Variants in POU6F2 observed in about 807,000 individuals in gnomAD.
POU6F2 encodes POU domain, class 6, transcription factor 2.
Under a neutral mutation model 71.3 loss-of-function variants are expected in POU6F2, and 31 were observed. The ratio of observed to expected loss-of-function variants is 0.43; its 90% CI spans 0.33 to 0.59. POU6F2 has a LOEUF of 0.59. Among genes scored for constraint, POU6F2 ranks in the 20% least tolerant of loss-of-function variants. The pLI, the probability that POU6F2 is intolerant of heterozygous loss-of-function variation, is 0.04. For missense variants in POU6F2, 783 were observed against 856.8 expected (o/e 0.91, Z 1.07); for synonymous variants, 347 against 355.7 (o/e 0.98, Z 0.27).
At chr7:39,212,120 C>G (rs1794153501) in intron 4 of POU6F2, among the ~76,000 whole-genome samples, 1 of 152,146 alleles carries the variant, frequency 6.6e-6, no homozygotes, top group African/African-American at 2.4e-5. Flanking sequence ...GATTGACTGC[C>G]CCCAGACTGA....
At chr7:39,357,721 A>G (rs1786289079) in intron 5 of POU6F2, among the ~76,000 whole-genome samples, 1 of 152,246 alleles carries the variant, frequency 6.6e-6, no homozygotes, top group Non-Finnish European at 1.5e-5. Context: ...TAATAAGAAG[A>G]TGGAAAAAGT....
At chr7:39,122,579 T>C (rs1054932724) in intron 2 of POU6F2, among the ~76,000 whole-genome samples, 1 of 152,192 alleles carries the variant, frequency 6.6e-6, no homozygotes, top group African/African-American at 2.4e-5. Flanking sequence ...ATATTGCCTT[T>C]CCCTGATGCT....
intron 4 of POU6F2, among the ~76,000 whole-genome samples, chr7:39,260,968 C>A (rs1434370994): frequency 6.6e-6 from 1 of 151,450 alleles, no homozygotes; most frequent in Non-Finnish European, 1.5e-5. Context: ...ACACCACACC[C>A]ACCACCATTC....
At chr7:39,067,081 C>T (rs559570634) in intron 1 of POU6F2, among the ~76,000 whole-genome samples, 105 of 146,980 alleles carry the variant, frequency 7.1e-4, no homozygotes, top group Non-Finnish European at 1.1e-3. Context: ...ATACACTTAA[C>T]GTATACACAC....
At chr7:39,245,270 T>A (rs769870761) in intron 4 of POU6F2, among the ~76,000 whole-genome samples, 11 of 152,184 alleles carry the variant, frequency 7.2e-5, no homozygotes, top group Admixed American at 1.3e-4. Context: ...AGCAGACAGC[T>A]TCGTAAAACT....
intron 1 of POU6F2, among the ~76,000 whole-genome samples, chr7:38,996,035 C>CTTTTTTTTTTTTTTTTT (rs5883669): frequency 1.2e-5 from 1 of 85,390 alleles, no homozygotes; most frequent in African/African-American, 4.8e-5. Context: ...AGGGGCTTGG[C>CTTTTTTTTTTTTTTTTT]TTTTTTTTTT....
chr7:39,206,391 G>A (rs2128745721), intron 3 of POU6F2, among the ~76,000 whole-genome samples: 1 of 152,274 alleles, frequency 6.6e-6, no homozygotes, highest in Admixed American at 6.5e-5. Flanking sequence ...CATCCATAGT[G>A]GATGTAAACA....
chr7:39,373,019 A>G (rs998104835), intron 5 of POU6F2, among the ~76,000 whole-genome samples: 2 of 152,160 alleles, frequency 1.3e-5, no homozygotes, highest in Non-Finnish European at 2.9e-5. Flanking sequence ...CTTGGGTTTG[A>G]ATTCTGACTC....
At chr7:39,375,595 C>T (rs1039149782) in intron 5 of POU6F2, among the ~76,000 whole-genome samples, 1 of 151,796 alleles carries the variant, frequency 6.6e-6, no homozygotes, top group Non-Finnish European at 1.5e-5. Context: ...CACAGGGACT[C>T]GATGGCCAAG....
intron 2 of POU6F2, among the ~76,000 whole-genome samples, chr7:39,092,959 C>A (rs1791385307): frequency 6.6e-6 from 1 of 152,036 alleles, no homozygotes; most frequent in African/African-American, 2.4e-5. Context: ...AAGATGCATA[C>A]CCCCAAGATC....
intron 7 of POU6F2, among the ~76,000 whole-genome samples, chr7:39,442,074 A>G (rs1293720170): frequency 1.3e-5 from 2 of 152,072 alleles, no homozygotes; most frequent in Non-Finnish European, 2.9e-5. Flanking sequence ...AAACAAACCC[A>G]TTCTTGGTGG....
At chr7:39,287,609 T>G (rs1386340069) in intron 4 of POU6F2, among the ~76,000 whole-genome samples, 1 of 152,228 alleles carries the variant, frequency 6.6e-6, no homozygotes, top group Non-Finnish European at 1.5e-5. Flanking sequence ...TAACTGTGTT[T>G]GGTTTTGCCT....
chr7:39,070,213 A>G (rs563369135), intron 1 of POU6F2, among the ~76,000 whole-genome samples: 5 of 152,354 alleles, frequency 3.3e-5, no homozygotes, highest in Admixed American at 2.6e-4. Flanking sequence ...GTAAGATAGT[A>G]AGAAAAAAAT....
chr7:39,028,494 T>C (rs576770342), intron 1 of POU6F2, among the ~76,000 whole-genome samples: 2 of 152,160 alleles, frequency 1.3e-5, no homozygotes, highest in Non-Finnish European at 2.9e-5. Context: ...TGATATCTGG[T>C]AGGACAAGTA....
chr7:39,172,415 A>G (rs748252011), intron 2 of POU6F2, among the ~76,000 whole-genome samples: 7 of 152,134 alleles, frequency 4.6e-5, no homozygotes, highest in African/African-American at 9.7e-5. Context: ...GGCTTATTCT[A>G]TAGGATTTAT....
intron 2 of POU6F2, among the ~76,000 whole-genome samples, chr7:39,089,440 A>G (rs1470240302): frequency 3.9e-5 from 6 of 152,184 alleles, no homozygotes; most frequent in Non-Finnish European, 8.8e-5. Context: ...GTGTGATCAG[A>G]TGAGTGATGC....
intron 1 of POU6F2, among the ~76,000 whole-genome samples, chr7:39,008,620 T>G (rs1440160158): frequency 1.3e-5 from 2 of 151,408 alleles, no homozygotes; most frequent in Non-Finnish European, 3.0e-5. Flanking sequence ...TGAATGGTAA[T>G]GCCTAGGTTT....
intron 1 of POU6F2, among the ~76,000 whole-genome samples, chr7:38,987,908 T>G (rs1172035933): frequency 6.6e-6 from 1 of 152,070 alleles, no homozygotes; most frequent in Non-Finnish European, 1.5e-5. Context: ...GTCCATTGGG[T>G]AGGTGTGTTC....
intron 1 of POU6F2, among the ~76,000 whole-genome samples, chr7:39,065,520 TG>T (rs1405585301): frequency 2.0e-5 from 3 of 151,466 alleles, no homozygotes; most frequent in Non-Finnish European, 3.0e-5. Context: ...AGTTGATAAT[TG>T]TAACAGGTCT....
Sources: gnomAD v4.1 joint callset for allele counts (sites outside exome capture counted in the v4.1 genomes callset) on GRCh38, gnomAD v4.1.1 for gene constraint, MANE v1.5 for transcripts, NCBI Gene and HGNC (gene_info 2026-07-23, HGNC 2026-07-21) for gene names.